IL1RAPL1: variants seen among roughly 807,000 people sequenced by gnomAD.
IL1RAPL1 encodes interleukin-1 receptor accessory protein-like 1.
A neutral mutation model predicts 48.4 loss-of-function variants in IL1RAPL1; 3 were observed. That is an observed-to-expected ratio of 0.06 (90% CI 0.03 to 0.16). The LOEUF (loss-of-function observed/expected upper bound fraction) is 0.16. Ranked by LOEUF, IL1RAPL1 falls within the 10% of genes least tolerant of loss-of-function variation. IL1RAPL1 has a pLI of 1.00. For synonymous variants in IL1RAPL1, 185 were observed against 187.7 expected, an observed-to-expected ratio of 0.99 and a Z score of 0.12; for missense variants, 349 against 530.6, an observed-to-expected ratio of 0.66 and a Z score of 3.36.
chrX:29,824,344 A>G (rs758988076), intron 6 of IL1RAPL1, among the ~76,000 whole-genome samples: 2 of 111,977 alleles, frequency 1.8e-5, no homozygotes, highest in South Asian at 7.5e-4. Context: ...AGAGCCTGAA[A>G]TAGGGTGTGT....
chrX:29,632,551 T>A lies in IL1RAPL1; in HGVS notation c.704-35879T>A, dbSNP rs141020139. Among the ~76,000 whole-genome samples the A allele has an allele frequency of 9.5e-3, 1,068 of 111,914 alleles. 11 individuals are homozygous for A. The highest frequency in any genetic ancestry group is 0.032 in the African/African-American group (987 of 30,806). ...AATACATATAAAAATTAAAATGTTTTATGTTCATAAGATCATAAGAATGTT... is the reference window on the plus strand; with the variant it reads ...AATACATATAAAAATTAAAATGTTTAATGTTCATAAGATCATAAGAATGTT... On this transcript the variant is annotated intron_variant, in intron 5 of 10. Coordinates refer to ENST00000378993, the MANE Select transcript of IL1RAPL1 (RefSeq NM_014271.4).
intron 8 of IL1RAPL1, among the ~76,000 whole-genome samples, chrX:29,940,534 A>AAGGT (rs1478222995): frequency 8.9e-6 from 1 of 112,226 alleles, no homozygotes. Context: ...AGTACTTTTC[A>AAGGT]AGGTAGTTGT....
chrX:29,677,487 T>C (rs1001818153), intron 6 of IL1RAPL1, among the ~76,000 whole-genome samples: 15 of 112,433 alleles, frequency 1.3e-4, no homozygotes, highest in Non-Finnish European at 2.1e-4. Flanking sequence ...AAAGGAAATA[T>C]GCTATTTAAA....
In IL1RAPL1 at chrX:28,820,181, T is replaced by C. The variant is rs190548248; in HGVS notation, c.82+30756T>C. 4.7e-3 allele frequency among the ~76,000 whole-genome samples: 502 copies of C among 106,859 alleles called. 3 individuals are homozygous for C. The highest frequency in any genetic ancestry group is 7.8e-3 in the Non-Finnish European group (404 of 51,492). 92.8% of individuals were successfully genotyped at this position (106,859 alleles called of 115,157 possible). On this transcript the variant is annotated intron_variant, in intron 2 of 10. Transcript: ENST00000378993. ...CTACAAAATGTATGAAGATAACCAT[T>C]TGGGGGTTTTGTTTTTAGTTTGTTC...
At chrX:29,126,245 T>G (rs1211938994) in intron 2 of IL1RAPL1, among the ~76,000 whole-genome samples, 1 of 111,768 alleles carries the variant, frequency 8.9e-6, no homozygotes, top group Non-Finnish European at 1.9e-5. Flanking sequence ...AAAAATATGT[T>G]TTCACAGAGT....
At chrX:29,121,552 A>G (rs1335534931) in intron 2 of IL1RAPL1, among the ~76,000 whole-genome samples, 1 of 111,869 alleles carries the variant, frequency 8.9e-6, no homozygotes, top group Admixed American at 9.6e-5. Context: ...TTCAGATAGT[A>G]TCATTGACTA....
intron 2 of IL1RAPL1, among the ~76,000 whole-genome samples, chrX:28,951,412 G>GC (rs1924461361): frequency 2.0e-5 from 1 of 49,642 alleles, no homozygotes; most frequent in African/African-American, 1.3e-4. Context: ...ATGATAAATG[G>GC]TAAAAAAAAA....
intron 2 of IL1RAPL1, among the ~76,000 whole-genome samples, chrX:28,804,433 A>T (rs1490203358): frequency 8.9e-6 from 1 of 111,795 alleles, no homozygotes; most frequent in Non-Finnish European, 1.9e-5. Context: ...TTATTATCTT[A>T]TGGTGATGAA....
At chrX:29,599,083 G>A (rs1406413479) in intron 5 of IL1RAPL1, among the ~76,000 whole-genome samples, 1 of 111,964 alleles carries the variant, frequency 8.9e-6, no homozygotes, top group African/African-American at 3.2e-5. Flanking sequence ...GCTGTTTGCT[G>A]TTTGAATAGC....
rs758117023 is a variant in IL1RAPL1 at position 28,947,551 on chromosome X, C to T, written c.82+158126C>T. On this transcript the variant is annotated intron_variant, in intron 2 of 10. Transcript: ENST00000378993. Reference sequence around the variant, plus strand: ...GGGAACATCACACACCGGGGCCTGTCGTGGGGTGGGAGGATGGGGGAGGGA... The same window carrying T: ...GGGAACATCACACACCGGGGCCTGTTGTGGGGTGGGAGGATGGGGGAGGGA... 4.0e-3 allele frequency among the ~76,000 whole-genome samples: 442 copies of T among 109,618 alleles called. 4 individuals are homozygous for T. The highest frequency in any genetic ancestry group is 0.014 in the African/African-American group (412 of 30,100).
intron 5 of IL1RAPL1, among the ~76,000 whole-genome samples, chrX:29,441,451 G>A (rs898398273): frequency 1.8e-5 from 2 of 111,973 alleles, no homozygotes; most frequent in South Asian, 3.7e-4. Flanking sequence ...AACCATTGTT[G>A]ATGTATACTG....
At chrX:29,600,832 T>C (rs756752435) in intron 5 of IL1RAPL1, among the ~76,000 whole-genome samples, 50 of 110,901 alleles carry the variant, frequency 4.5e-4, no homozygotes, top group African/African-American at 1.2e-3. Context: ...TCCTACAGGT[T>C]GCCAGAGAAG....
At chrX:29,732,253 T>C (rs1395266273) in intron 6 of IL1RAPL1, among the ~76,000 whole-genome samples, 2 of 111,884 alleles carry the variant, frequency 1.8e-5, no homozygotes, top group Non-Finnish European at 3.8e-5. Context: ...AAGAGGATTT[T>C]GTTAATTCTC....
At chrX:28,612,752 A>G (rs1202419854) in intron 1 of IL1RAPL1, among the ~76,000 whole-genome samples, 3 of 112,112 alleles carry the variant, frequency 2.7e-5, no homozygotes, top group Non-Finnish European at 5.6e-5. Flanking sequence ...AGAGATGAAA[A>G]AGCTTTAAAC....
chrX:28,691,432 G>A (rs764541603), intron 1 of IL1RAPL1, among the ~76,000 whole-genome samples: 109 of 111,699 alleles, frequency 9.8e-4, no homozygotes, highest in African/African-American at 3.2e-3. Context: ...ATTCAATTGT[G>A]TCATGTACCT....
At chrX:29,552,982 A>G (rs1921870381) in intron 5 of IL1RAPL1, among the ~76,000 whole-genome samples, 1 of 109,278 alleles carries the variant, frequency 9.2e-6, no homozygotes, top group Non-Finnish European at 1.9e-5. Flanking sequence ...TAGAGCCTCT[A>G]TCTCCTTTTA....
At chrX:29,256,910 A>G (rs1011420329) in intron 2 of IL1RAPL1, among the ~76,000 whole-genome samples, 4 of 111,537 alleles carry the variant, frequency 3.6e-5, no homozygotes, top group African/African-American at 1.3e-4. Context: ...ATGTCCACAC[A>G]TATAATATGA....
rs1183531394 is a variant in IL1RAPL1 at position 29,498,781 on chromosome X, C to T, written c.703+99473C>T. 2.7e-5 allele frequency among the ~76,000 whole-genome samples: 3 copies of T among 111,361 alleles called. No homozygotes were observed. The East Asian group carries it at 8.5e-4, about 32-fold the overall frequency. ...ATATTGTTTTTTGTATGTTGTATGT[C>T]GTGTATGTATAAAGCCATCTTATAA... On this transcript the variant is annotated intron_variant, in intron 5 of 10. Coordinates refer to ENST00000378993, the MANE Select transcript of IL1RAPL1 (RefSeq NM_014271.4).
At chrX:29,378,855 C>T (rs1933657674) in intron 3 of IL1RAPL1, among the ~76,000 whole-genome samples, 1 of 112,294 alleles carries the variant, frequency 8.9e-6, no homozygotes, top group South Asian at 3.7e-4. Context: ...ACCATGCCCA[C>T]ATTTATTTTG....
Sources: gnomAD v4.1 joint callset for allele counts (sites outside exome capture counted in the v4.1 genomes callset) on GRCh38, gnomAD v4.1.1 for gene constraint, MANE v1.5 for transcripts, NCBI Gene and HGNC (gene_info 2026-07-23, HGNC 2026-07-21) for gene names.